LRRTM4: variants seen among roughly 807,000 people sequenced by gnomAD.
LRRTM4 encodes the protein leucine-rich repeat transmembrane neuronal protein 4.
In LRRTM4, 25 loss-of-function variants were observed where a neutral mutation model predicts 47.6. The ratio of observed to expected loss-of-function variants is 0.53; its 90% confidence interval spans 0.38 to 0.73. The LOEUF is 0.73. Ranked by LOEUF, LRRTM4 falls within the 30% of genes least tolerant of loss-of-function variation. LRRTM4 has a pLI of 0.00. For missense variants in LRRTM4, 638 were observed against 713.4 expected, an observed-to-expected ratio of 0.89 and a Z score of 1.20; for synonymous variants, 311 against 269.5, an observed-to-expected ratio of 1.15 and a Z score of -1.51.
intron 3 of LRRTM4, among the ~76,000 whole-genome samples, chr2:77,145,438 G>A (rs933687081): frequency 1.6e-4 from 24 of 151,592 alleles, no homozygotes; most frequent in African/African-American, 3.6e-4. Flanking sequence ...ATATTTGAAC[G>A]AATTAAAATC....
At chr2:77,502,653 A>G (rs1195380372) in intron 3 of LRRTM4, among the ~76,000 whole-genome samples, 1 of 151,644 alleles carries the variant, frequency 6.6e-6, no homozygotes, top group African/African-American at 2.4e-5. Flanking sequence ...TCCAACAAAA[A>G]AAGTCATGTT....
chr2:77,065,858 A>G (rs924438051), intron 3 of LRRTM4, among the ~76,000 whole-genome samples: 54 of 152,172 alleles, frequency 3.5e-4, no homozygotes, highest in African/African-American at 1.1e-3. Flanking sequence ...ATTGGTAAAA[A>G]GGAGAATGAT....
chr2:77,313,372 C>T (rs1443115790), intron 3 of LRRTM4, among the ~76,000 whole-genome samples: 203 of 118,352 alleles, frequency 1.7e-3, no homozygotes, highest in African/African-American at 6.5e-3. Context: ...CCCTACCCTT[C>T]CCTGGGACCT....
chr2:76,986,450 C>T (rs1676798367), intron 3 of LRRTM4, among the ~76,000 whole-genome samples: 1 of 151,870 alleles, frequency 6.6e-6, no homozygotes, highest in Non-Finnish European at 1.5e-5. Context: ...TTCTAAGTTA[C>T]TTAGGTCTTT....
intron 3 of LRRTM4, among the ~76,000 whole-genome samples, chr2:76,857,010 T>A (rs543937524): frequency 9.2e-5 from 14 of 152,136 alleles, no homozygotes; most frequent in African/African-American, 3.4e-4. Flanking sequence ...AATGTTCTAG[T>A]ATTAAATATT....
intron 3 of LRRTM4, among the ~76,000 whole-genome samples, chr2:77,491,202 G>A (rs1678149334): frequency 6.6e-6 from 1 of 152,018 alleles, no homozygotes; most frequent in Admixed American, 6.6e-5. Context: ...AAAGTAAAGT[G>A]ACACAGAAGA....
chr2:77,027,730 T>A (rs72912539), intron 3 of LRRTM4, among the ~76,000 whole-genome samples: 7,170 of 152,226 alleles, frequency 0.047, 596 homozygotes, highest in African/African-American at 0.16. Flanking sequence ...GGCTTTTAAA[T>A]AACATGCAAA....
chr2:77,334,467 AATGAGTCTT>A (rs1257160044), intron 3 of LRRTM4, among the ~76,000 whole-genome samples: 2 of 152,120 alleles, frequency 1.3e-5, no homozygotes, highest in Non-Finnish European at 2.9e-5. Context: ...CATGATAGTG[AATGAGTCTT>A]ATGATATCCG....
intron 3 of LRRTM4, among the ~76,000 whole-genome samples, chr2:76,808,656 A>G (rs1670635106): frequency 2.6e-5 from 4 of 152,246 alleles, no homozygotes. Flanking sequence ...AAAAACCAGT[A>G]TTCTGAAGTC....
chr2:77,173,160 G>A (rs1673102843), intron 3 of LRRTM4, among the ~76,000 whole-genome samples: 1 of 152,110 alleles, frequency 6.6e-6, no homozygotes, highest in Non-Finnish European at 1.5e-5. Context: ...TAAACCCAGG[G>A]ATTAGGTGGC....
At chr2:77,031,962 C>G (rs1034153777) in intron 3 of LRRTM4, among the ~76,000 whole-genome samples, 8 of 152,094 alleles carry the variant, frequency 5.3e-5, no homozygotes, top group African/African-American at 1.9e-4. Context: ...CCTCTTTCTT[C>G]TATGCCTCGC....
At chr2:77,423,910 G>T (rs6547143) in intron 3 of LRRTM4, among the ~76,000 whole-genome samples, 63,078 of 151,848 alleles carry the variant, frequency 0.42, 13,976 homozygotes, top group African/African-American at 0.58. Flanking sequence ...GGTACAATCA[G>T]TCACATTCCA....
At chr2:76,992,481 CA>C (rs1677043838) in intron 3 of LRRTM4, among the ~76,000 whole-genome samples, 1 of 151,474 alleles carries the variant, frequency 6.6e-6, no homozygotes, top group Non-Finnish European at 1.5e-5. Flanking sequence ...TATCTATATA[CA>C]AATAATGTCC....
At chr2:76,756,494 C>T (rs1673034101) in intron 3 of LRRTM4, among the ~76,000 whole-genome samples, 1 of 152,118 alleles carries the variant, frequency 6.6e-6, no homozygotes, top group African/African-American at 2.4e-5. Context: ...TAGAATAAAC[C>T]TCTTTGAACA....
intron 3 of LRRTM4, among the ~76,000 whole-genome samples, chr2:77,001,852 C>T (rs749696544): frequency 2.6e-5 from 4 of 152,156 alleles, no homozygotes; most frequent in Non-Finnish European, 5.9e-5. Flanking sequence ...CGGATCTGCA[C>T]AATCCCTTTC....
chr2:76,885,551 CT>C (rs1361373270), intron 3 of LRRTM4, among the ~76,000 whole-genome samples: 1 of 151,726 alleles, frequency 6.6e-6, no homozygotes, highest in Non-Finnish European at 1.5e-5. Flanking sequence ...CAAGCTCCGC[CT>C]CCCGGGTTCA....
intron 3 of LRRTM4, among the ~76,000 whole-genome samples, chr2:76,792,431 A>T (rs1675026241): frequency 6.6e-6 from 1 of 152,138 alleles, no homozygotes; most frequent in African/African-American, 2.4e-5. Flanking sequence ...TTCATGCAAA[A>T]CACTCTGCTG....
chr2:77,324,348 A>G (rs1399013939), intron 3 of LRRTM4, among the ~76,000 whole-genome samples: 2 of 152,156 alleles, frequency 1.3e-5, no homozygotes, highest in East Asian at 3.9e-4. Context: ...ACAGATTATT[A>G]AATAGGTAAG....
intron 3 of LRRTM4, among the ~76,000 whole-genome samples, chr2:76,910,249 A>G (rs940190980): frequency 2.0e-5 from 3 of 151,820 alleles, no homozygotes; most frequent in Admixed American, 1.3e-4. Context: ...CGGAAGAACA[A>G]AAAACCAAAC....
Sources: gnomAD v4.1 joint callset for allele counts (sites outside exome capture counted in the v4.1 genomes callset) on GRCh38, gnomAD v4.1.1 for gene constraint, MANE v1.5 for transcripts, NCBI Gene and HGNC (gene_info 2026-07-23, HGNC 2026-07-21) for gene names.